PTPRD: variants seen among roughly 807,000 people sequenced by gnomAD.
The protein encoded by PTPRD is receptor-type tyrosine-protein phosphatase delta.
A neutral mutation model predicts 214.5 loss-of-function variants in PTPRD; 34 were observed. The ratio of observed to expected loss-of-function variants is 0.16; its 90% CI spans 0.12 to 0.21. The LOEUF is 0.21. Among genes scored for constraint, PTPRD ranks in the 10% least tolerant of loss-of-function variants. PTPRD has a pLI of 1.00. For missense variants in PTPRD, 2,545 were observed against 2,398.7 expected (o/e 1.06, Z -1.27); for synonymous variants, 1,128 against 845.7 (o/e 1.33, Z -5.79).
chr9:9,918,130 C>T (rs1373374029), intron 5 of PTPRD, among the ~76,000 whole-genome samples: 1 of 152,002 alleles, frequency 6.6e-6, no homozygotes, highest in Middle Eastern at 3.4e-3. Flanking sequence ...ACCTAGATGA[C>T]ATGATTTTGT....
intron 11 of PTPRD, among the ~76,000 whole-genome samples, chr9:8,741,772 G>A (rs1393021059): frequency 1.3e-5 from 2 of 151,620 alleles, no homozygotes; most frequent in Non-Finnish European, 2.9e-5. Context: ...TGTATTTTTA[G>A]TAGAGACAGG....
In PTPRD at chr9:10,076,412, A is replaced by T. The variant is rs149348718; in HGVS notation, c.-544-42622T>A. ...GTTTCTTTGGAAATGTAGGAAAAGGAAACTGTGTTACTAGGCATCATTGCT... is the reference window on the plus strand; with the variant it reads ...GTTTCTTTGGAAATGTAGGAAAAGGTAACTGTGTTACTAGGCATCATTGCT... On this transcript the variant is annotated intron_variant, in intron 3 of 45. Transcript: ENST00000381196. 4.3e-3 allele frequency among the ~76,000 whole-genome samples: 661 copies of T among 152,210 alleles called. 6 individuals are homozygous for T. The highest frequency in any genetic ancestry group is 0.015 in the African/African-American group (611 of 41,548).
intron 11 of PTPRD, among the ~76,000 whole-genome samples, chr9:8,844,171 T>C (rs2097637652): frequency 6.6e-6 from 1 of 152,202 alleles, no homozygotes; most frequent in South Asian, 2.1e-4. Flanking sequence ...TTTATCTACA[T>C]TATACATAAT....
At chr9:10,086,745 A>G (rs2098344433) in intron 3 of PTPRD, among the ~76,000 whole-genome samples, 1 of 151,826 alleles carries the variant, frequency 6.6e-6, no homozygotes, top group African/African-American at 2.4e-5. Flanking sequence ...GATAAATGAA[A>G]CAAAAATGCA....
intron 2 of PTPRD, among the ~76,000 whole-genome samples, chr9:10,420,284 G>A (rs1040834406): frequency 5.3e-5 from 8 of 151,834 alleles, no homozygotes; most frequent in African/African-American, 1.7e-4. Flanking sequence ...TTAATTTTTG[G>A]ATGAACAACA....
chr9:8,321,487 GTATATATATATA>G (rs750825729), intron 44 of PTPRD, among the ~76,000 whole-genome samples: 104 of 44,544 alleles, frequency 2.3e-3, no homozygotes, highest in African/African-American at 5.7e-3. Flanking sequence ...GTGTGTGTGT[GTATATATATATA>G]TATATATATA....
At position 9,422,490 on chromosome 9, in the gene PTPRD, G is replaced by C. The variant is rs1035329182; in HGVS notation, c.-236-25008C>G. 3.4e-4 allele frequency among the ~76,000 whole-genome samples: 52 copies of C among 152,092 alleles called. 1 individual carries two copies. The highest frequency in any genetic ancestry group is 1.2e-3 in the African/African-American group (48 of 41,440). On this transcript the variant is annotated intron_variant, in intron 8 of 45. Coordinates refer to ENST00000381196, the MANE Select transcript of PTPRD (RefSeq NM_002839.4). ...TTTTTTTAAAGCACTGGAGAGCTTTGAGCTTGCTAGGATGTTAGGACAAAG... is the reference window on the plus strand; with the variant it reads ...TTTTTTTAAAGCACTGGAGAGCTTTCAGCTTGCTAGGATGTTAGGACAAAG...
At chr9:9,897,478 G>C (rs1029907712) in intron 5 of PTPRD, among the ~76,000 whole-genome samples, 1 of 151,760 alleles carries the variant, frequency 6.6e-6, no homozygotes, top group African/African-American at 2.4e-5. Context: ...AAGTTTATTC[G>C]CAATATAGTT....
At chr9:9,337,350 G>A (rs1266074660) in intron 9 of PTPRD, among the ~76,000 whole-genome samples, 1 of 152,118 alleles carries the variant, frequency 6.6e-6, no homozygotes, top group Non-Finnish European at 1.5e-5. Flanking sequence ...GGTAGGGGGT[G>A]CTCTGTTGTA....
At chr9:9,837,832 T>C (rs2057225699) in intron 5 of PTPRD, among the ~76,000 whole-genome samples, 1 of 152,182 alleles carries the variant, frequency 6.6e-6, no homozygotes. Context: ...GTTAGTTACA[T>C]ATGTATACAT....
intron 14 of PTPRD, among the ~76,000 whole-genome samples, chr9:8,586,620 T>C (rs1270144427): frequency 1.3e-5 from 2 of 152,138 alleles, no homozygotes; most frequent in African/African-American, 4.8e-5. Context: ...TATGGGTAAA[T>C]CAAGATGAGA....
intron 11 of PTPRD, among the ~76,000 whole-genome samples, chr9:8,764,808 GATAATAATA>G (rs58828058): frequency 3.7e-3 from 546 of 146,674 alleles, no homozygotes; most frequent in Non-Finnish European, 6.2e-3. Context: ...TAATAATAAT[GATAATAATA>G]ATAATAATAA....
At chr9:9,353,134 T>C (rs1371284120) in intron 9 of PTPRD, among the ~76,000 whole-genome samples, 1 of 152,090 alleles carries the variant, frequency 6.6e-6, no homozygotes, top group South Asian at 2.1e-4. Context: ...GTCAAAAGAC[T>C]GTCCTTGAAA....
At chr9:10,485,829 C>T (rs993480710) in intron 2 of PTPRD, among the ~76,000 whole-genome samples, 1 of 151,932 alleles carries the variant, frequency 6.6e-6, no homozygotes, top group African/African-American at 2.4e-5. Context: ...CTTCTTGTTC[C>T]TGCATACAAT....
chr9:10,070,054 G>A (rs2097970247), intron 3 of PTPRD, among the ~76,000 whole-genome samples: 1 of 151,946 alleles, frequency 6.6e-6, no homozygotes, highest in African/African-American at 2.4e-5. Context: ...GTGAAGCAGG[G>A]GAATGTCAAA....
chr9:10,353,108 C>G (rs537320533), intron 2 of PTPRD, among the ~76,000 whole-genome samples: 2 of 152,004 alleles, frequency 1.3e-5, no homozygotes, highest in East Asian at 3.9e-4. Context: ...GCTAGTTTAC[C>G]TGAATTCAAA....
chr9:10,485,725 T>C (rs909184415), intron 2 of PTPRD, among the ~76,000 whole-genome samples: 1 of 152,130 alleles, frequency 6.6e-6, no homozygotes, highest in Non-Finnish European at 1.5e-5. Flanking sequence ...GAAAATTTAA[T>C]GAATTTGTTT....
At position 9,372,403 on chromosome 9, in the gene PTPRD, A is replaced by C. The variant is rs554670071; in HGVS notation, c.-203+25046T>G. 7.2e-5 allele frequency among the ~76,000 whole-genome samples: 11 copies of C among 152,148 alleles called. No homozygotes were observed. In the East Asian group the frequency reaches 1.9e-3, roughly 27 times the overall value. ...TGTCTCTTTTGATCTTTGTTGGTTT[A>C]AAGTCTGTTTTATCAGAGACTAGGA... On this transcript the variant is annotated intron_variant, in intron 9 of 45. Coordinates refer to ENST00000381196, the MANE Select transcript of PTPRD (RefSeq NM_002839.4).
chr9:8,838,176 A>C (rs2097479138), intron 11 of PTPRD, among the ~76,000 whole-genome samples: 1 of 152,164 alleles, frequency 6.6e-6, no homozygotes, highest in Non-Finnish European at 1.5e-5. Flanking sequence ...AAAAATTAAG[A>C]AGAGCAAGCA....
Sources: gnomAD v4.1 joint callset for allele counts (sites outside exome capture counted in the v4.1 genomes callset) on GRCh38, gnomAD v4.1.1 for gene constraint, MANE v1.5 for transcripts, NCBI Gene and HGNC (gene_info 2026-07-23, HGNC 2026-07-21) for gene names.